Variants in TRIO observed in about 807,000 individuals in gnomAD.
TRIO encodes trio Rho guanine nucleotide exchange factor, also known as triple functional domain protein.
Under a neutral mutation model 351.9 loss-of-function variants are expected in TRIO, and 58 were observed. The ratio of observed to expected loss-of-function variants is 0.16; its 90% CI spans 0.13 to 0.21. TRIO has a LOEUF of 0.21. TRIO is among the 10% of genes least tolerant of loss of function. The pLI is 1.00. For missense variants in TRIO, 3,201 were observed against 4,027.8 expected (o/e 0.79, Z 5.56); for synonymous variants, 1,758 against 1,595.7 (o/e 1.10, Z -2.42).
At chr5:14,441,001 A>AGCGCGC (rs57523224) in intron 34 of TRIO, 8 of 151,264 alleles carry the variant, frequency 5.3e-5, no homozygotes, top group South Asian at 2.1e-4. Flanking sequence ...ACCCAACTGC[A>AGCGCGC]GCGCGCGCGC....
chr5:14,206,535 G>A (rs1230728393), intron 1 of TRIO, among the ~76,000 whole-genome samples: 1 of 152,150 alleles, frequency 6.6e-6, no homozygotes. Context: ...CTTTCTCCCA[G>A]TAAGCCTCTG....
chr5:14,505,551 A>G (rs572717914), intron 55 of TRIO, among the ~76,000 whole-genome samples: 137 of 152,312 alleles, frequency 9.0e-4, no homozygotes, highest in Non-Finnish European at 1.4e-3. Context: ...GGCAGACTCA[A>G]GCTCGGGGCC....
intron 40 of TRIO, among the ~76,000 whole-genome samples, chr5:14,474,865 C>T (rs144021204): frequency 1.5e-4 from 23 of 152,222 alleles, no homozygotes; most frequent in Admixed American, 1.4e-3. Flanking sequence ...TAGACAAACA[C>T]GGGCTTGCTG....
chr5:14,151,554 A>T (rs1287619268), intron 1 of TRIO, among the ~76,000 whole-genome samples: 1 of 152,200 alleles, frequency 6.6e-6, no homozygotes, highest in East Asian at 1.9e-4. Flanking sequence ...CGTGTTTCCT[A>T]GTATATATGA....
At chr5:14,267,590 TTA>T (rs1795757118) in intron 1 of TRIO, among the ~76,000 whole-genome samples, 1 of 152,224 alleles carries the variant, frequency 6.6e-6, no homozygotes, top group Non-Finnish European at 1.5e-5. Context: ...TAGAACGTTT[TTA>T]TAGTTCCACA....
chr5:14,485,014 G>T, intron 46 of TRIO, 55 bp from the exon 47 acceptor site: 2 of 1,471,708 alleles, frequency 1.4e-6, no homozygotes, highest in Non-Finnish European at 9.1e-7. Context: ...TGGACACATG[G>T]TTTGCTTCCT....
At chr5:14,214,592 G>A (rs1206764302) in intron 1 of TRIO, among the ~76,000 whole-genome samples, 1 of 152,180 alleles carries the variant, frequency 6.6e-6, no homozygotes, top group African/African-American at 2.4e-5. Context: ...AGCATCTACC[G>A]TAGCTCACCA....
chr5:14,488,937 A>T (rs554468118), intron 48 of TRIO: 1 of 763,508 alleles, frequency 1.3e-6, no homozygotes. Context: ...TTGGCCCATC[A>T]CTCATGCTGC....
intron 7 of TRIO, among the ~76,000 whole-genome samples, chr5:14,304,220 T>C (rs916124718): frequency 6.6e-6 from 1 of 152,150 alleles, no homozygotes; most frequent in Non-Finnish European, 1.5e-5. Context: ...CAGCAGTCAG[T>C]TGAGGCATTC....
chr5:14,323,871 G>A (rs1740127232), intron 9 of TRIO, among the ~76,000 whole-genome samples: 1 of 152,172 alleles, frequency 6.6e-6, no homozygotes, highest in Non-Finnish European at 1.5e-5. Context: ...GCATAATATT[G>A]ACTATCCTTA....
intron 1 of TRIO, among the ~76,000 whole-genome samples, chr5:14,262,719 C>T (rs1795423722): frequency 6.6e-6 from 1 of 151,968 alleles, no homozygotes; most frequent in African/African-American, 2.4e-5. Flanking sequence ...GGATGGAGGG[C>T]AGGGAGAAGC....
At chr5:14,263,414 T>C (rs973734275) in intron 1 of TRIO, among the ~76,000 whole-genome samples, 2 of 152,120 alleles carry the variant, frequency 1.3e-5, no homozygotes, top group African/African-American at 2.4e-5. Flanking sequence ...ATTATAGCTT[T>C]ATTTTCTGAA....
Position 14,447,088 on chromosome 5 carries a change from C to T in TRIO, c.5204-13931C>T, listed in dbSNP as rs1480601310. Among the ~76,000 whole-genome samples the T allele has an allele frequency of 4.6e-5, 7 of 152,172 alleles. No individual in the cohort carries two copies. The South Asian group carries it at 6.2e-4, about 14-fold the overall frequency. ...TCTACTAAAATACAAAAATATTAGT[C>T]GGGTGTGGTGGCGGGCACCTATAAT... On this transcript the variant is annotated intron_variant, in intron 34 of 56. Coordinates refer to ENST00000344204, the MANE Select transcript of TRIO (RefSeq NM_007118.4).
At chr5:14,268,036 A>G (rs1032318410) in intron 1 of TRIO, among the ~76,000 whole-genome samples, 1 of 152,240 alleles carries the variant, frequency 6.6e-6, no homozygotes, top group East Asian at 1.9e-4. Context: ...ACCTTTTCAC[A>G]TAAGTTTCTC....
chr5:14,479,364 TACAAAC>T lies in TRIO; in HGVS notation c.6243+16_6243+21del, dbSNP rs777578750. 3 of 1,585,302 alleles carry T rather than the reference TACAAAC, an allele frequency of 1.9e-6. No individual in the cohort carries two copies. The highest frequency in any genetic ancestry group is 2.6e-6 in the Non-Finnish European group (3 of 1,158,978). On this transcript the variant is annotated intron_variant, in intron 42 of 56. Coordinates refer to ENST00000344204, the MANE Select transcript of TRIO (RefSeq NM_007118.4). ...ACCTTTTTTGAGGTAAGACCTAAGATACAAACAGAAAGTATTTCTGAATCTTTTGTT... is the reference window on the plus strand; with the variant it reads ...ACCTTTTTTGAGGTAAGACCTAAGATAGAAAGTATTTCTGAATCTTTTGTT...
chr5:14,270,420 G>T (rs1795914385), intron 1 of TRIO, among the ~76,000 whole-genome samples: 1 of 152,200 alleles, frequency 6.6e-6, no homozygotes, highest in Non-Finnish European at 1.5e-5. Flanking sequence ...AGAGGTTTTA[G>T]GATGTCACAA....
intron 34 of TRIO, among the ~76,000 whole-genome samples, chr5:14,448,458 A>G (rs922122756): frequency 5.3e-5 from 8 of 152,330 alleles, no homozygotes; most frequent in East Asian, 1.9e-4. Context: ...TTGTTCTGTC[A>G]TGCAGGAGAG....
At chr5:14,348,501 G>A (rs1402905788) in intron 11 of TRIO, among the ~76,000 whole-genome samples, 1 of 152,254 alleles carries the variant, frequency 6.6e-6, no homozygotes, top group Non-Finnish European at 1.5e-5. Context: ...CTGTATGTAC[G>A]TGCACATGCA....
intron 9 of TRIO, among the ~76,000 whole-genome samples, chr5:14,319,711 T>G (rs1218806704): frequency 6.6e-6 from 1 of 152,148 alleles, no homozygotes; most frequent in Non-Finnish European, 1.5e-5. Context: ...TGATTACAGT[T>G]TTATGAAAGT....
Sources: allele counts gnomAD v4.1 joint callset (sites outside exome capture counted in the v4.1 genomes callset), GRCh38; gene constraint gnomAD v4.1.1; transcripts MANE v1.5; gene names NCBI Gene and HGNC (gene_info 2026-07-23, HGNC 2026-07-21).